Variants in PLAA observed in about 807,000 individuals in gnomAD.
PLAA encodes the protein phospholipase A2 activating protein.
Under a neutral mutation model 84.1 loss-of-function variants are expected in PLAA, and 48 were observed. That is an observed-to-expected ratio of 0.57 (90% CI 0.45 to 0.73). The LOEUF (loss-of-function observed/expected upper bound fraction) is 0.73, where lower values mean the gene tolerates loss of function less well. Ranked by LOEUF, PLAA falls within the 30% of genes least tolerant of loss-of-function variation. The pLI, the probability that PLAA is intolerant of heterozygous loss-of-function variation, is 0.00. For missense variants in PLAA, 903 were observed against 954.7 expected, an observed-to-expected ratio of 0.95 and a Z score of 0.71; for synonymous variants, 392 against 336.6, an observed-to-expected ratio of 1.16 and a Z score of -1.80.
intron 1 of PLAA, 63 bp downstream of exon 1, chr9:26,946,834 C>T: frequency 6.7e-7 from 1 of 1,488,602 alleles, no homozygotes; most frequent in Non-Finnish European, 9.0e-7. Flanking sequence ...GGAAGGGTCA[C>T]TCTCCTTCCA....
rs763105149 is a variant in PLAA, at chr9:26,906,060, T to C, written c.1839A>G (p.Ala613=). The C allele has an allele frequency of 6.5e-7, 1 of 1,550,240 alleles. No homozygotes were observed. Among genetic ancestry groups the C allele is most frequent in the East Asian group, 2.3e-5 (1 of 44,012 alleles). The part of the protein sequence containing the change: ...INCPEDIVFP[A]LDILRLSIKH... ...TAATTGACAACCGAAGAATGTCAAG[T>C]GCAGGAAAGACAATATCTATTAAAA... The change falls in exon 14 of 14, where the codon GCA becomes GCG. Residue 613 remains alanine, a synonymous_variant. Coordinates refer to ENST00000397292, the MANE Select transcript of PLAA (RefSeq NM_001031689.3).
intron 12 of PLAA, among the ~76,000 whole-genome samples, chr9:26,909,824 A>G (rs954129587): frequency 2.0e-5 from 3 of 152,060 alleles, no homozygotes; most frequent in Admixed American, 6.6e-5. Flanking sequence ...GGGTTTCACC[A>G]TGTTAGCCAG....
At chr9:26,911,673 C>A (rs566537118) in intron 11 of PLAA, among the ~76,000 whole-genome samples, 7 of 152,224 alleles carry the variant, frequency 4.6e-5, no homozygotes, top group African/African-American at 1.7e-4. Context: ...AACAAACTGG[C>A]AAATGATGAA....
rs201498699 is a variant in PLAA at position 26,928,236 on chromosome 9, G to A, written c.445-16C>T. On this transcript the variant is annotated splice_polypyrimidine_tract_variant and intron_variant, in intron 3 of 13. Transcript: ENST00000397292. ...CTGTATGACCCTGTGAGTAAAATGA[G>A]TATCAATTTAAGTTGCCACAGAATC... 19 of 1,613,830 alleles carry A rather than the reference G, an allele frequency of 1.2e-5. No homozygotes were observed. Among genetic ancestry groups the A allele is most frequent in the Non-Finnish European group, 1.6e-5 (19 of 1,179,886 alleles).
chr9:26,917,000 C>T (rs1203026191), intron 10 of PLAA, 97 bp downstream of exon 10: 19 of 981,282 alleles, frequency 1.9e-5, no homozygotes, highest in Non-Finnish European at 2.8e-5. Flanking sequence ...AAGGGAATTA[C>T]CAATTACTGG....
intron 12 of PLAA, 147 bp from the exon 13 acceptor site, chr9:26,908,145 G>T (rs1478561226): frequency 3.8e-6 from 2 of 521,010 alleles, no homozygotes; most frequent in Non-Finnish European, 6.6e-6. Flanking sequence ...CATAAAGTAA[G>T]GATAAGGCTT....
At chr9:26,920,098 A>G (rs965751514) in intron 8 of PLAA, 129 bp downstream of exon 8, 5 of 658,652 alleles carry the variant, frequency 7.6e-6, no homozygotes, top group Admixed American at 2.9e-5. Flanking sequence ...GAAAAAAAAG[A>G]TTAGTTTCCC....
chr9:26,913,907 A>G lies in PLAA; in HGVS notation c.1527T>C (p.Thr509=), dbSNP rs761579386. The change falls in exon 11 of 14, where the codon ACT becomes ACC. Residue 509 remains threonine (T), a synonymous_variant. Coordinates refer to ENST00000397292, the MANE Select transcript of PLAA (RefSeq NM_001031689.3). The part of the protein sequence containing the change: ...RYVPGSASMG[T]TMAGVDPFTG... ...TAAATGGATCAACTCCGGCCATGGT[A>G]GTTCCCATACTTGCAGAACCTGGTA... The G allele has an allele frequency of 6.2e-7, 1 of 1,612,594 alleles. No homozygotes were observed. Among genetic ancestry groups the G allele is most frequent in the South Asian group, 1.1e-5 (1 of 91,016 alleles).
chr9:26,926,594 A>G, intron 4 of PLAA, 34 bp from the exon 5 acceptor site: 7 of 1,548,474 alleles, frequency 4.5e-6, no homozygotes, highest in Non-Finnish European at 6.2e-6. Flanking sequence ...AATCAATAAA[A>G]CTGATAATTT....
chr9:26,920,719 A>C (rs1271228453), intron 7 of PLAA, among the ~76,000 whole-genome samples: 1 of 152,186 alleles, frequency 6.6e-6, no homozygotes, highest in Non-Finnish European at 1.5e-5. Context: ...TCAAACTGAA[A>C]AGTAGAAAAG....
chr9:26,919,337 T>A lies in PLAA; in HGVS notation c.1390A>T (p.Asn464Tyr). 2 of 1,610,724 alleles carry A rather than the reference T, an allele frequency of 1.2e-6. No homozygotes were observed. The highest frequency in any genetic ancestry group is 1.7e-6 in the Non-Finnish European group (2 of 1,178,690). The change falls in exon 9 of 14, where the codon AAT becomes TAT. Residue 464 changes from asparagine to tyrosine, a missense_variant. Physicochemically the swap from Asn to Tyr is moderately radical, Grantham distance 143. Coordinates refer to ENST00000397292, the MANE Select transcript of PLAA (RefSeq NM_001031689.3). ...NTKGQMLGLG[N>Y]PSFSDPFTGG... ...GTAAATGGATCTGAAAAGCTGGGATTCCCAAGTCCCAACATTTGACCTTTT... is the reference window on the plus strand; with the variant it reads ...GTAAATGGATCTGAAAAGCTGGGATACCCAAGTCCCAACATTTGACCTTTT...
At chr9:26,926,947 C>G (rs1824988770) in intron 4 of PLAA, among the ~76,000 whole-genome samples, 1 of 151,506 alleles carries the variant, frequency 6.6e-6, no homozygotes, top group Admixed American at 6.6e-5. Flanking sequence ...AATTTAAGAA[C>G]AAAACATTCT....
chr9:26,919,437 T>C lies in PLAA; in HGVS notation c.1290A>G (p.Ala430=). 6.2e-7 allele frequency: 1 copy of C among 1,612,032 alleles called. No individual in the cohort carries two copies. The highest frequency in any genetic ancestry group is 8.5e-7 in the Non-Finnish European group (1 of 1,178,278). ...YNTSDDPWLT[A]YNFLQKNDLN... is the part of the protein sequence containing the mutation. Reference sequence around the variant, plus strand: ...AATCATTCTTCTGTAAGAAGTTGTATGCAGTTAACCAAGGGTCATCACTGG... The same window carrying C: ...AATCATTCTTCTGTAAGAAGTTGTACGCAGTTAACCAAGGGTCATCACTGG... Residue 430 remains alanine (A), a synonymous_variant, in exon 9 of 14, where the codon GCA becomes GCG. Transcript: ENST00000397292.
chr9:26,922,019 C>T (rs7042173), intron 7 of PLAA, among the ~76,000 whole-genome samples: 4 of 152,152 alleles, frequency 2.6e-5, no homozygotes, highest in Non-Finnish European at 5.9e-5. Flanking sequence ...CTGCCAAATA[C>T]CAAAGCCTGA....
chr9:26,916,400 C>A (rs1824560916), intron 10 of PLAA: 2 of 986,994 alleles, frequency 2.0e-6, no homozygotes, highest in Non-Finnish European at 2.4e-6. Flanking sequence ...AACTCTGGCA[C>A]TTTTTCCAGT....
intron 6 of PLAA, among the ~76,000 whole-genome samples, chr9:26,924,114 T>C (rs917157845): frequency 6.6e-6 from 1 of 152,136 alleles, no homozygotes. Context: ...CTATCCCTTA[T>C]AGCTGTCACC....
Position 26,920,290 on chromosome 9 carries a change from A to T in PLAA, c.1134T>A (p.Gly378=). ...TAGCACCAGATGAGCCAACAACATC[A>T]CCAATTTTTATCCACCTCCCTTCAC... ...SVSEGRWIKI[G]DVVGSSGANQ... is the part of the protein sequence containing the mutation. Residue 378 remains glycine, a synonymous_variant, in exon 8 of 14, where the codon GGT becomes GGA. Transcript: ENST00000397292. 6.2e-7 allele frequency: 1 copy of T among 1,613,914 alleles called. No homozygotes were observed. Among genetic ancestry groups the T allele is most frequent in the South Asian group, 1.1e-5 (1 of 91,076 alleles).
intron 12 of PLAA, among the ~76,000 whole-genome samples, chr9:26,908,287 C>T (rs1321782007): frequency 6.6e-6 from 1 of 151,012 alleles, no homozygotes; most frequent in African/African-American, 2.4e-5. Context: ...CTGCCTCAGC[C>T]TCCTGAGTAG....
intron 1 of PLAA, among the ~76,000 whole-genome samples, chr9:26,935,495 C>G (rs1825330126): frequency 6.6e-6 from 1 of 152,154 alleles, no homozygotes; most frequent in Admixed American, 6.5e-5. Context: ...GGTTTTTTCT[C>G]AATCTCCATC....
Sources: allele counts gnomAD v4.1 joint callset (sites outside exome capture counted in the v4.1 genomes callset), GRCh38; gene constraint gnomAD v4.1.1; transcripts MANE v1.5; gene names NCBI Gene and HGNC (gene_info 2026-07-23, HGNC 2026-07-21).